The following COL19A1 variants were observed in gnomAD, a reference collection of about 807,000 sequenced individuals.
COL19A1 encodes the protein collagen alpha-1(XIX) chain.
COL19A1 carries 159 observed loss-of-function variants against 190.2 expected under a neutral mutation model. That is an observed-to-expected ratio of 0.84 (90% confidence interval 0.73 to 0.95). The LOEUF (loss-of-function observed/expected upper bound fraction) is 0.95. Ranked by LOEUF, COL19A1 falls within the 40% of genes least tolerant of loss-of-function variation. The pLI is 0.00. For missense variants in COL19A1, 1,418 were observed against 1,431.9 expected (o/e 0.99, Z 0.16); for synonymous variants, 509 against 458.9 (o/e 1.11, Z -1.39).
intron 17 of COL19A1, 77 bp from the exon 18 acceptor site, chr6:70,130,105 C>T (rs531983061): frequency 2.0e-6 from 3 of 1,505,726 alleles, no homozygotes; most frequent in Non-Finnish European, 2.7e-6. Context: ...TATCTGACTG[C>T]TTATACTGTT....
intron 11 of COL19A1, among the ~76,000 whole-genome samples, chr6:70,020,870 T>G (rs1327730877): frequency 2.6e-5 from 4 of 152,156 alleles, no homozygotes; most frequent in Non-Finnish European, 4.4e-5. Context: ...GATAAATGTA[T>G]AGAAGATAGA....
chr6:69,887,755 T>C (rs1287307840), intron 2 of COL19A1, among the ~76,000 whole-genome samples: 1 of 152,142 alleles, frequency 6.6e-6, no homozygotes, highest in Non-Finnish European at 1.5e-5. Flanking sequence ...GACAGGGTTT[T>C]ATTGGGTGAA....
intron 1 of COL19A1, among the ~76,000 whole-genome samples, chr6:69,878,338 C>T (rs1045640135): frequency 3.3e-5 from 5 of 151,960 alleles, no homozygotes; most frequent in East Asian, 3.9e-4. Context: ...CTCAGCCTTC[C>T]GAGTAGCTGG....
intron 42 of COL19A1, among the ~76,000 whole-genome samples, 199 bp from the exon 43 acceptor site, chr6:70,180,113 T>C (rs1460577488): frequency 6.6e-6 from 1 of 152,188 alleles, no homozygotes; most frequent in Non-Finnish European, 1.5e-5. Context: ...CTTGAACTCC[T>C]GACCTCAAGT....
At chr6:70,201,902 G>T (rs1203455332) in intron 49 of COL19A1, among the ~76,000 whole-genome samples, 2 of 152,198 alleles carry the variant, frequency 1.3e-5, no homozygotes, top group Non-Finnish European at 2.9e-5. Flanking sequence ...GAAGTGCACA[G>T]GAAATTGAAG....
At chr6:69,957,559 A>T (rs1023035033) in intron 9 of COL19A1, among the ~76,000 whole-genome samples, 2 of 152,098 alleles carry the variant, frequency 1.3e-5, no homozygotes, top group Non-Finnish European at 2.9e-5. Context: ...CCCGTAATGA[A>T]AAAAAAACCC....
At chr6:69,919,974 A>C (rs535806455) in intron 4 of COL19A1, among the ~76,000 whole-genome samples, 1 of 152,086 alleles carries the variant, frequency 6.6e-6, no homozygotes, top group South Asian at 2.1e-4. Flanking sequence ...ATTCTCCCTC[A>C]TCTCTGTCCT....
intron 9 of COL19A1, among the ~76,000 whole-genome samples, chr6:69,950,799 G>A (rs187814072): frequency 2.9e-4 from 44 of 151,422 alleles, no homozygotes; most frequent in Non-Finnish European, 4.9e-4. Context: ...TGCCCACTTT[G>A]CCCCCAAATA....
At chr6:70,099,910 C>A (rs1282640291) in intron 15 of COL19A1, among the ~76,000 whole-genome samples, 2 of 152,220 alleles carry the variant, frequency 1.3e-5, no homozygotes, top group African/African-American at 2.4e-5. Flanking sequence ...CTGAAATCAG[C>A]AGTGAAGTGC....
intron 18 of COL19A1, chr6:70,131,139 G>A (rs538878558): frequency 1.5e-4 from 58 of 376,108 alleles, no homozygotes; most frequent in African/African-American, 1.2e-3. Context: ...AAATTGTAAT[G>A]ACCTTGGATT....
At chr6:70,201,428 T>C (rs1236333728) in intron 49 of COL19A1, among the ~76,000 whole-genome samples, 1 of 152,202 alleles carries the variant, frequency 6.6e-6, no homozygotes, top group Admixed American at 6.5e-5. Context: ...TGCAAAGGAT[T>C]TCTATGGATT....
intron 17 of COL19A1, among the ~76,000 whole-genome samples, chr6:70,127,991 A>C (rs959072005): frequency 1.3e-5 from 2 of 152,216 alleles, no homozygotes; most frequent in Non-Finnish European, 2.9e-5. Flanking sequence ...GCTCAATTTA[A>C]CAAGAAAAAC....
At chr6:69,921,429 T>TATATC (rs1561998152) in intron 4 of COL19A1, among the ~76,000 whole-genome samples, 1 of 120,358 alleles carries the variant, frequency 8.3e-6, no homozygotes, top group African/African-American at 3.7e-5. Flanking sequence ...ATATATATCA[T>TATATC]ATATATCATA....
intron 48 of COL19A1, among the ~76,000 whole-genome samples, chr6:70,192,425 T>A (rs897282177): frequency 6.6e-6 from 1 of 152,088 alleles, no homozygotes; most frequent in African/African-American, 2.4e-5. Context: ...TGCCCTTAAA[T>A]TTTGAGGTCT....
chr6:70,204,267 C>A (rs1249279557), intron 49 of COL19A1, among the ~76,000 whole-genome samples: 2 of 152,110 alleles, frequency 1.3e-5, no homozygotes, highest in African/African-American at 4.8e-5. Context: ...AAGCTTAATT[C>A]TATAAATGGG....
chr6:70,066,181 A>G (rs1781184293), intron 14 of COL19A1, among the ~76,000 whole-genome samples: 1 of 152,238 alleles, frequency 6.6e-6, no homozygotes, highest in Non-Finnish European at 1.5e-5. Context: ...TCACAATAGC[A>G]AAGACTTGGA....
At chr6:69,995,129 A>G (rs1019007270) in intron 11 of COL19A1, among the ~76,000 whole-genome samples, 1 of 152,216 alleles carries the variant, frequency 6.6e-6, no homozygotes, top group Non-Finnish European at 1.5e-5. Flanking sequence ...AGTACCCACA[A>G]GTTAAACAAG....
chr6:69,877,938 G>T (rs1768241190), intron 1 of COL19A1, among the ~76,000 whole-genome samples: 1 of 152,016 alleles, frequency 6.6e-6, no homozygotes, highest in Admixed American at 6.5e-5. Context: ...CAGGACCTGG[G>T]AAGTGGAGGT....
At chr6:70,072,345 C>G (rs1781608332) in intron 15 of COL19A1, among the ~76,000 whole-genome samples, 1 of 152,048 alleles carries the variant, frequency 6.6e-6, no homozygotes, top group South Asian at 2.1e-4. Context: ...CGTGAAGCTA[C>G]CCTGGTCTTT....
Sources: gnomAD v4.1 joint callset for allele counts (sites outside exome capture counted in the v4.1 genomes callset) on GRCh38, gnomAD v4.1.1 for gene constraint, MANE v1.5 for transcripts, NCBI Gene and HGNC (gene_info 2026-07-23, HGNC 2026-07-21) for gene names.